CORO7: variants seen among roughly 807,000 people sequenced by gnomAD.
The protein encoded by CORO7 is coronin 7.
CORO7 carries 107 observed loss-of-function variants against 126.6 expected under a neutral mutation model. That is an observed-to-expected ratio of 0.85 (90% CI 0.72 to 0.99). The LOEUF (loss-of-function observed/expected upper bound fraction) is 0.99, where lower values mean the gene tolerates loss of function less well. Ranked by LOEUF, CORO7 falls within the 50% of genes least tolerant of loss-of-function variation. The pLI is 0.00. For missense variants in CORO7, 1,314 were observed against 1,255.8 expected (o/e 1.05, Z -0.70); for synonymous variants, 603 against 536.8 (o/e 1.12, Z -1.70).
chr16:4,405,694 G>A lies in CORO7; in HGVS notation c.488-127C>T, dbSNP rs769298636. On this transcript the variant is annotated intron_variant, in intron 5 of 27. Transcript: ENST00000251166. The stretch of plus-strand genomic sequence containing the variant: ...GCTACGAGGGTCCTTTTCAGCCAAG[G>A]GGGCAAGGGCAGCAGCTTCTCCCAG... The A allele has an allele frequency of 3.5e-6, 4 of 1,142,378 alleles. 1 individual carries two copies. In the South Asian group the frequency reaches 4.6e-5, roughly 13 times the overall value. The allele number at this position is 1,142,378 out of a possible 1,614,324, so 70.8% of individuals were successfully genotyped here.
At chr16:4,357,343 T>TTTTC (rs869242347) in intron 25 of CORO7, 84 bp from the exon 26 acceptor site, 13 of 1,226,208 alleles carry the variant, frequency 1.1e-5, no homozygotes, top group African/African-American at 7.2e-5. Context: ...TCTTTCTTTC[T>TTTTC]TTTCTTTCTT....
chr16:4,382,601 C>T (rs546080230), intron 9 of CORO7: 14 of 1,590,374 alleles, frequency 8.8e-6, no homozygotes, highest in Admixed American at 1.7e-5. Context: ...GGCAACCTGC[C>T]GCTCCTCATT....
At chr16:4,394,050 G>A (rs2055490752) in intron 7 of CORO7, among the ~76,000 whole-genome samples, 1 of 152,042 alleles carries the variant, frequency 6.6e-6, no homozygotes, top group African/African-American at 2.4e-5. Flanking sequence ...CCAGCGAGCC[G>A]AGATTGCGCC....
Position 4,408,146 on chromosome 16 carries a change from G to A in CORO7, c.303+35C>T, listed in dbSNP as rs747084871. 1.9e-6 allele frequency: 3 copies of A among 1,613,898 alleles called. No individual in the cohort carries two copies. The South Asian group carries it at 3.3e-5, about 18-fold the overall frequency. On this transcript the variant is annotated intron_variant, in intron 4 of 27. Coordinates refer to ENST00000251166, the MANE Select transcript of CORO7 (RefSeq NM_024535.5). ...CAGAAGGCCCTGGACTACGGGCTGG[G>A]ACATAGAGCAGCTCTTCCAACTGGC...
At chr16:4,389,983 C>T (rs902719544) in intron 7 of CORO7, among the ~76,000 whole-genome samples, 2 of 152,218 alleles carry the variant, frequency 1.3e-5, no homozygotes, top group African/African-American at 4.8e-5. Flanking sequence ...GAAGCAGTGC[C>T]CCTCACTCAT....
intron 3 of CORO7, 36 bp from the exon 4 acceptor site, chr16:4,408,287 C>G: frequency 6.2e-7 from 1 of 1,614,134 alleles, no homozygotes. Context: ...ACCGGAATGT[C>G]CTGTTTCCAA....
chr16:4,403,918 G>A lies in CORO7; in HGVS notation c.564+1573C>T, dbSNP rs775136096. ...GGCTCATCCCTCAAGGACCGGCCTC[G>A]AGCTCACTCTGCCTGGGAAGCCGTC... On this transcript the variant is annotated intron_variant, in intron 6 of 27. Transcript: ENST00000251166. Among the ~76,000 whole-genome samples the A allele has an allele frequency of 5.3e-5, 8 of 152,186 alleles. No homozygotes were observed. The South Asian group carries it at 1.7e-3, about 32-fold the overall frequency.
intron 9 of CORO7, 144 bp downstream of exon 9, chr16:4,387,842 G>T: frequency 9.7e-7 from 1 of 1,026,424 alleles, no homozygotes; most frequent in Non-Finnish European, 1.4e-6. Context: ...CCAGGTGTCT[G>T]TTGCAAGGCC....
intron 23 of CORO7, 85 bp downstream of exon 23, chr16:4,359,211 A>C: frequency 7.1e-7 from 1 of 1,415,622 alleles, no homozygotes; most frequent in South Asian, 1.4e-5. Context: ...CCCGACCCAC[A>C]GGCTCCTGTA....
At chr16:4,398,077 T>C (rs1436433879) in intron 6 of CORO7, among the ~76,000 whole-genome samples, 5 of 151,942 alleles carry the variant, frequency 3.3e-5, no homozygotes. Context: ...CACCAGGCCC[T>C]GCTAATGTTT....
chr16:4,394,156 C>A (rs996795823), intron 7 of CORO7, among the ~76,000 whole-genome samples: 1 of 151,594 alleles, frequency 6.6e-6, no homozygotes, highest in Non-Finnish European at 1.5e-5. Context: ...TTAAAACTCC[C>A]TAATGGTGGC....
chr16:4,396,011 T>TGTGTGTGTAC (rs1370006818), intron 6 of CORO7, among the ~76,000 whole-genome samples: 23 of 151,664 alleles, frequency 1.5e-4, no homozygotes, highest in African/African-American at 3.9e-4. Flanking sequence ...TGTGTGTGTG[T>TGTGTGTGTAC]ACACAAACAT....
At chr16:4,389,971 G>A (rs1364976973) in intron 7 of CORO7, among the ~76,000 whole-genome samples, 1 of 152,208 alleles carries the variant, frequency 6.6e-6, no homozygotes, top group Non-Finnish European at 1.5e-5. Context: ...AGGTGCTGGG[G>A]GGAAGCAGTG....
At position 4,364,707 on chromosome 16, in the gene CORO7, G is replaced by A; in HGVS notation, c.1045-18C>T. The A allele has an allele frequency of 6.3e-7, 1 of 1,586,974 alleles. No homozygotes were observed. The highest frequency in any genetic ancestry group is 8.6e-7 in the Non-Finnish European group (1 of 1,167,320). Reference sequence around the variant, plus strand: ...TCCACAGCCTGGCCGCAGACAAGCAGGCAGCTAGTGAGGCCCAGGCCCCCC... The same window carrying A: ...TCCACAGCCTGGCCGCAGACAAGCAAGCAGCTAGTGAGGCCCAGGCCCCCC... On this transcript the variant is annotated intron_variant, in intron 12 of 27. Coordinates refer to ENST00000251166, the MANE Select transcript of CORO7 (RefSeq NM_024535.5).
At chr16:4,388,741 TCA>T (rs1384892505) in intron 7 of CORO7, 110 bp from the exon 8 acceptor site, 2 of 1,183,722 alleles carry the variant, frequency 1.7e-6, no homozygotes, top group East Asian at 5.1e-5. Flanking sequence ...CCTGAAAGCC[TCA>T]CAGAGGGTGG....
In CORO7 at chr16:4,364,986, G is replaced by A. The variant is rs2277851; in HGVS notation, c.898+17C>T. The A allele has an allele frequency of 0.52, 841,126 of 1,602,718 alleles. 225,849 individuals carry two copies. The highest frequency in any genetic ancestry group is 0.56 in the Non-Finnish European group (655,436 of 1,175,126). Reference sequence around the variant, plus strand: ...GGAGGGGAGGGTAGGGGATGGGGGCGAGGAAGCAAGGCTTACCTGGGCTCA... The same window carrying A: ...GGAGGGGAGGGTAGGGGATGGGGGCAAGGAAGCAAGGCTTACCTGGGCTCA... On this transcript the variant is annotated intron_variant, in intron 11 of 27. Transcript: ENST00000251166.
chr16:4,354,965 G>T lies in CORO7; in HGVS notation c.*193C>A, dbSNP rs924880457. ...AGCTGATGAGCAGCAGCTGACCCCA[G>T]AGACAGCAGAGGTGAAAACAGTCCC... On this transcript the variant is annotated 3_prime_UTR_variant, in exon 28 of 28. Transcript: ENST00000251166. The T allele has an allele frequency of 5.0e-5, 27 of 543,620 alleles. No homozygotes were observed. The highest frequency in any genetic ancestry group is 7.9e-5 in the Non-Finnish European group (26 of 328,336). 33.7% of individuals were successfully genotyped at this position (543,620 alleles called of 1,614,324 possible).
In CORO7 at chr16:4,360,322, G is replaced by C; in HGVS notation, c.2064C>G (p.Val688=). 2 of 1,613,694 alleles carry C rather than the reference G, an allele frequency of 1.2e-6. No homozygotes were observed. The highest frequency in any genetic ancestry group is 1.3e-5 in the African/African-American group (1 of 75,040). ...GCAGACAGCGACCATCACATACCCA[G>C]ACAATGCGAGCTCCGCGTCCTCCCT... The part of the protein sequence containing the change: ...GPKGGRGARI[V]WVCDGRCLLV... The change falls in exon 21 of 28, where the codon GTC becomes GTG. Residue 688 remains valine (V), a synonymous_variant. Coordinates refer to ENST00000251166, the MANE Select transcript of CORO7 (RefSeq NM_024535.5).
intron 9 of CORO7, among the ~76,000 whole-genome samples, chr16:4,365,937 G>A (rs916271982): frequency 1.3e-5 from 2 of 152,352 alleles, no homozygotes; most frequent in Non-Finnish European, 2.9e-5. Context: ...GGCCGGAGGC[G>A]AGGAGCCTCC....
Sources: gnomAD v4.1 joint callset for allele counts (sites outside exome capture counted in the v4.1 genomes callset) on GRCh38, gnomAD v4.1.1 for gene constraint, MANE v1.5 for transcripts, NCBI Gene and HGNC (gene_info 2026-07-23, HGNC 2026-07-21) for gene names.